CHN2: variants seen among roughly 807,000 people sequenced by gnomAD.
The protein encoded by CHN2 is beta-chimaerin.
CHN2 carries 35 observed loss-of-function variants against 56.3 expected under a neutral mutation model. The ratio of observed to expected loss-of-function variants is 0.62; its 90% CI spans 0.47 to 0.82. The LOEUF (loss-of-function observed/expected upper bound fraction) is 0.82, where lower values mean the gene tolerates loss of function less well. Among genes scored for constraint, CHN2 ranks in the 40% least tolerant of loss-of-function variants. CHN2 has a pLI of 0.00. For missense variants in CHN2, 491 were observed against 580.5 expected, an observed-to-expected ratio of 0.85 and a Z score of 1.58; for synonymous variants, 210 against 212.8, an observed-to-expected ratio of 0.99 and a Z score of 0.12.
intron 2 of CHN2, among the ~76,000 whole-genome samples, chr7:29,181,807 A>G (rs1370313366): frequency 6.6e-6 from 1 of 152,176 alleles, no homozygotes; most frequent in Non-Finnish European, 1.5e-5. Flanking sequence ...GAATGTTCAT[A>G]TTGCTATGTA....
intron 12 of CHN2, among the ~76,000 whole-genome samples, chr7:29,511,477 T>TATCATAGTGGGTTTGCCAGCC (rs1251153835): frequency 6.6e-6 from 1 of 152,226 alleles, no homozygotes; most frequent in Non-Finnish European, 1.5e-5. Context: ...ACTGTATCTT[T>TATCATAGTGGGTTTGCCAGCC]ATCATAGTGG....
intron 10 of CHN2, among the ~76,000 whole-genome samples, chr7:29,505,938 T>C (rs373435134): frequency 6.6e-6 from 1 of 152,264 alleles, no homozygotes; most frequent in South Asian, 2.1e-4. Context: ...GCATATCTTC[T>C]ATGCTTTTAC....
At chr7:29,479,303 T>C (rs1786878536) in intron 6 of CHN2, among the ~76,000 whole-genome samples, 1 of 152,136 alleles carries the variant, frequency 6.6e-6, no homozygotes, top group Non-Finnish European at 1.5e-5. Flanking sequence ...TTATGATGTT[T>C]TGATTTTAGG....
At chr7:29,150,320 A>C (rs1372520374) in intron 2 of CHN2, among the ~76,000 whole-genome samples, 1 of 152,238 alleles carries the variant, frequency 6.6e-6, no homozygotes, top group Non-Finnish European at 1.5e-5. Context: ...GAAATAAGAT[A>C]GTAGTACATA....
At chr7:29,272,925 T>C (rs958288558) in intron 1 of CHN2, among the ~76,000 whole-genome samples, 23 of 152,208 alleles carry the variant, frequency 1.5e-4, no homozygotes, top group African/African-American at 5.5e-4. Context: ...TTCTTGTGTA[T>C]GGAAAGAGCA....
At chr7:29,163,175 T>A (rs1795427180) in intron 2 of CHN2, among the ~76,000 whole-genome samples, 1 of 152,244 alleles carries the variant, frequency 6.6e-6, no homozygotes, top group South Asian at 2.1e-4. Context: ...TATGGGAAAA[T>A]TTTTAAGCAT....
At chr7:29,195,629 A>AGAGT (rs869037854) in intron 1 of CHN2, among the ~76,000 whole-genome samples, 203 of 117,542 alleles carry the variant, frequency 1.7e-3, no homozygotes, top group South Asian at 2.9e-3. Context: ...AGAGAGAGAG[A>AGAGT]GTGTGTGTGT....
chr7:29,333,124 G>A (rs555701027), intron 1 of CHN2: 1 of 152,358 alleles, frequency 6.6e-6, no homozygotes, highest in African/African-American at 2.4e-5. Context: ...CTGTGGAGCT[G>A]GGAAGTAGGA....
At chr7:29,447,266 A>C (rs1784097162) in intron 6 of CHN2, among the ~76,000 whole-genome samples, 1 of 152,208 alleles carries the variant, frequency 6.6e-6, no homozygotes, top group Admixed American at 6.5e-5. Flanking sequence ...ACCATATAAA[A>C]AAAGATCCAA....
At chr7:29,329,634 A>G (rs1796070600) in intron 1 of CHN2, among the ~76,000 whole-genome samples, 1 of 152,198 alleles carries the variant, frequency 6.6e-6, no homozygotes, top group South Asian at 2.1e-4. Flanking sequence ...AGTCGTGTGT[A>G]CTTCCTGCCA....
chr7:29,403,532 C>T (rs895686187), intron 6 of CHN2, among the ~76,000 whole-genome samples: 2 of 152,106 alleles, frequency 1.3e-5, no homozygotes, highest in African/African-American at 2.4e-5. Flanking sequence ...AGAATACTAA[C>T]GCAGTAATAA....
In CHN2 at chr7:29,398,464, G is replaced by C; in HGVS notation, c.268G>C (p.Gly90Arg). The C allele has an allele frequency of 6.2e-7, 1 of 1,612,674 alleles. No individual in the cohort carries two copies. Among genetic ancestry groups the C allele is most frequent in the Non-Finnish European group, 8.5e-7 (1 of 1,179,294 alleles). Residue 90 changes from glycine (G) to arginine (R), a missense_variant, in exon 5 of 13, where the codon GGA becomes CGA. Coordinates refer to ENST00000222792, the MANE Select transcript of CHN2 (RefSeq NM_004067.4). ...CCTTAGAGAAAGCCAGCGGCAACCA[G>C]GATGCTACACGCTGGCTCTCAGGTG... ...YILRESQRQP[G>R]CYTLALRFGN...
At chr7:29,281,565 A>C (rs944646309) in intron 1 of CHN2, among the ~76,000 whole-genome samples, 5 of 152,198 alleles carry the variant, frequency 3.3e-5, no homozygotes, top group African/African-American at 7.2e-5. Context: ...TAGTGGCTCC[A>C]AGTTCCCCTC....
chr7:29,377,773 A>G (rs1383359645), intron 3 of CHN2, among the ~76,000 whole-genome samples: 1 of 152,228 alleles, frequency 6.6e-6, no homozygotes, highest in Admixed American at 6.5e-5. Flanking sequence ...GTCTCACTTG[A>G]CATTAGTTCT....
At chr7:29,216,929 G>A (rs577833492) in intron 1 of CHN2, among the ~76,000 whole-genome samples, 3 of 152,296 alleles carry the variant, frequency 2.0e-5, no homozygotes, top group Admixed American at 6.5e-5. Context: ...AATGAAGATG[G>A]TGTTAAGCTT....
chr7:29,171,511 C>T (rs1330053281), intron 2 of CHN2, among the ~76,000 whole-genome samples: 2 of 152,196 alleles, frequency 1.3e-5, no homozygotes, highest in Non-Finnish European at 2.9e-5. Flanking sequence ...GAATCCTCCT[C>T]AATTCAGCCC....
intron 1 of CHN2, among the ~76,000 whole-genome samples, chr7:29,303,243 A>T (rs1793845103): frequency 6.6e-6 from 1 of 152,206 alleles, no homozygotes; most frequent in Non-Finnish European, 1.5e-5. Flanking sequence ...CGCTTGATGC[A>T]TATGGATCAT....
At chr7:29,315,674 A>AT (rs888827186) in intron 1 of CHN2, among the ~76,000 whole-genome samples, 26 of 150,924 alleles carry the variant, frequency 1.7e-4, no homozygotes, top group East Asian at 1.2e-3. Context: ...TAAACGATTC[A>AT]TTTTTTTTTC....
At chr7:29,239,787 A>G (rs1276300466) in intron 1 of CHN2, among the ~76,000 whole-genome samples, 2 of 152,034 alleles carry the variant, frequency 1.3e-5, no homozygotes, top group Non-Finnish European at 2.9e-5. Flanking sequence ...AGTTGAAGTA[A>G]TTCAGTGAGG....
Sources: gnomAD v4.1 joint callset for allele counts (sites outside exome capture counted in the v4.1 genomes callset) on GRCh38, gnomAD v4.1.1 for gene constraint, MANE v1.5 for transcripts, NCBI Gene and HGNC (gene_info 2026-07-23, HGNC 2026-07-21) for gene names.